The following PCNX2 variants were observed in gnomAD, a reference collection of about 807,000 sequenced individuals.
PCNX2 encodes the protein pecanex 2.
A neutral mutation model predicts 223.8 loss-of-function variants in PCNX2; 168 were observed. The ratio of observed to expected loss-of-function variants is 0.75; its 90% CI spans 0.66 to 0.85. PCNX2 has a LOEUF of 0.85. Among genes scored for constraint, PCNX2 ranks in the 40% least tolerant of loss-of-function variants. The probability of loss-of-function intolerance (pLI) is 0.00; values close to 1 mark genes in which losing one functional copy is unlikely to be tolerated. For missense variants in PCNX2, 2,507 were observed against 2,675.5 expected (o/e 0.94, Z 1.39); for synonymous variants, 1,006 against 1,052.6 (o/e 0.96, Z 0.86).
chr1:233,162,110 G>A (rs1056164658), intron 17 of PCNX2, among the ~76,000 whole-genome samples: 2 of 151,982 alleles, frequency 1.3e-5, no homozygotes, highest in Non-Finnish European at 2.9e-5. Flanking sequence ...ATACAAAACT[G>A]TAGTGTAAGC....
chr1:233,033,796 G>A (rs1291205748), intron 25 of PCNX2, among the ~76,000 whole-genome samples: 1 of 152,214 alleles, frequency 6.6e-6, no homozygotes, highest in Non-Finnish European at 1.5e-5. Flanking sequence ...AAACTCTTGA[G>A]GACTGGGAGA....
intron 23 of PCNX2, chr1:233,058,193 C>T (rs1672261184): frequency 1.2e-5 from 4 of 327,804 alleles, no homozygotes; most frequent in Admixed American, 6.5e-5. Flanking sequence ...GAGAGTTAGC[C>T]GACTCACTGC....
chr1:233,080,704 T>C (rs1029765141), intron 23 of PCNX2, among the ~76,000 whole-genome samples: 2 of 152,148 alleles, frequency 1.3e-5, no homozygotes, highest in East Asian at 1.9e-4. Context: ...TTCACTCTTA[T>C]GACCTAATCA....
At chr1:233,120,557 C>T (rs1675723680) in intron 21 of PCNX2, among the ~76,000 whole-genome samples, 2 of 152,096 alleles carry the variant, frequency 1.3e-5, no homozygotes. Flanking sequence ...ATGGAACTAC[C>T]TACGGCAAAA....
intron 25 of PCNX2, among the ~76,000 whole-genome samples, chr1:233,044,647 A>G (rs1042795204): frequency 2.9e-4 from 44 of 152,060 alleles, no homozygotes; most frequent in African/African-American, 1.1e-3. Flanking sequence ...GAATAGAAAA[A>G]TGGTGCTTCC....
chr1:233,256,956 T>G (rs1015617247), intron 5 of PCNX2, among the ~76,000 whole-genome samples: 1 of 152,156 alleles, frequency 6.6e-6, no homozygotes, highest in Non-Finnish European at 1.5e-5. Flanking sequence ...AGCTACCATA[T>G]GCAAACACAA....
intron 4 of PCNX2, among the ~76,000 whole-genome samples, chr1:233,260,123 A>G (rs938476366): frequency 6.6e-6 from 1 of 152,188 alleles, no homozygotes; most frequent in Non-Finnish European, 1.5e-5. Flanking sequence ...GGTATCTTTT[A>G]TAAGATTTGA....
intron 8 of PCNX2, among the ~76,000 whole-genome samples, chr1:233,238,083 T>C (rs557949305): frequency 6.6e-6 from 1 of 152,334 alleles, no homozygotes; most frequent in Admixed American, 6.5e-5. Context: ...AACTAGTTTT[T>C]TGATGACAGC....
chr1:233,089,173 C>A (rs940968370), intron 23 of PCNX2, among the ~76,000 whole-genome samples: 5 of 140,182 alleles, frequency 3.6e-5, no homozygotes, highest in African/African-American at 5.5e-5. Flanking sequence ...TGGCACTCTG[C>A]AAAATGTAAA....
At chr1:233,053,742 C>A (rs1406307258) in intron 25 of PCNX2, among the ~76,000 whole-genome samples, 4 of 152,216 alleles carry the variant, frequency 2.6e-5, no homozygotes, top group Admixed American at 6.5e-5. Flanking sequence ...AAGATTCAGG[C>A]AGACTCAATA....
At chr1:233,079,527 CAAAA>C (rs1160625472) in intron 23 of PCNX2, among the ~76,000 whole-genome samples, 1 of 69,400 alleles carries the variant, frequency 1.4e-5, no homozygotes. Context: ...CACTCCGTCT[CAAAA>C]AAAAAAAAAA....
At chr1:233,066,506 G>T (rs1445483004) in intron 23 of PCNX2, among the ~76,000 whole-genome samples, 2 of 152,232 alleles carry the variant, frequency 1.3e-5, no homozygotes, top group East Asian at 3.9e-4. Context: ...GCCTAGTCCA[G>T]CTGCAGCCTC....
chr1:233,313,523 A>G, the PCNX2 span, among the ~76,000 whole-genome samples: 3 of 152,160 alleles, frequency 2.0e-5, no homozygotes, highest in Non-Finnish European at 2.9e-5. Context: ...AGATTCAACA[A>G]CAGATTCAAC....
At chr1:233,256,200 A>C (rs1350141659) in intron 5 of PCNX2, among the ~76,000 whole-genome samples, 1 of 152,152 alleles carries the variant, frequency 6.6e-6, no homozygotes, top group African/African-American at 2.4e-5. Flanking sequence ...AAGAGCAAAA[A>C]CTCAAGTAGG....
At chr1:233,172,335 C>T (rs1219771650) in intron 17 of PCNX2, 4 of 982,230 alleles carry the variant, frequency 4.1e-6, no homozygotes, top group African/African-American at 1.7e-5. Flanking sequence ...TGCCATGAGG[C>T]GTTTCCAATT....
chr1:233,143,619 C>G (rs533976733), intron 19 of PCNX2, among the ~76,000 whole-genome samples: 1 of 152,286 alleles, frequency 6.6e-6, no homozygotes, highest in Non-Finnish European at 1.5e-5. Flanking sequence ...CTGATACATG[C>G]TCCAGTTTGA....
intron 28 of PCNX2, among the ~76,000 whole-genome samples, chr1:233,012,487 C>T (rs1272028260): frequency 2.0e-5 from 3 of 152,032 alleles, no homozygotes; most frequent in African/African-American, 7.2e-5. Flanking sequence ...TGTGGTGGAA[C>T]CTCTCGGTGA....
chr1:233,260,353 T>C (rs1370286010), intron 4 of PCNX2, among the ~76,000 whole-genome samples: 2 of 152,214 alleles, frequency 1.3e-5, no homozygotes, highest in Non-Finnish European at 2.9e-5. Flanking sequence ...AGACCAGATA[T>C]TCAAAGTATG....
intron 25 of PCNX2, among the ~76,000 whole-genome samples, chr1:233,032,589 T>C (rs930571362): frequency 6.6e-5 from 10 of 152,168 alleles, no homozygotes; most frequent in African/African-American, 2.4e-4. Context: ...GCTTTTTTTT[T>C]TTTCCCTTTT....
Sources: allele counts gnomAD v4.1 joint callset (sites outside exome capture counted in the v4.1 genomes callset), GRCh38; gene constraint gnomAD v4.1.1; transcripts MANE v1.5; gene names NCBI Gene and HGNC (gene_info 2026-07-23, HGNC 2026-07-21).